The following IMMP2L variants were observed in gnomAD, a reference collection of about 807,000 sequenced individuals.
IMMP2L encodes the protein inner mitochondrial membrane peptidase subunit 2.
Under a neutral mutation model 19.3 loss-of-function variants are expected in IMMP2L, and 18 were observed. The observed-to-expected ratio is 0.93, with a 90% CI of 0.64 to 1.38. IMMP2L has a LOEUF of 1.38. Ranked by LOEUF, IMMP2L falls within the 40% of genes most tolerant of loss-of-function variation. IMMP2L has a pLI of 0.00. For missense variants in IMMP2L, 233 were observed against 218.2 expected (o/e 1.07, Z -0.43); for synonymous variants, 76 against 73.0 (o/e 1.04, Z -0.21).
intron 5 of IMMP2L, among the ~76,000 whole-genome samples, chr7:110,695,149 C>A (rs114640115): frequency 6.6e-6 from 1 of 151,946 alleles, no homozygotes; most frequent in Admixed American, 6.6e-5. Context: ...GTGGTTGTAC[C>A]GCATCATAAA....
chr7:111,176,365 A>C (rs1807061512), intron 3 of IMMP2L, among the ~76,000 whole-genome samples: 1 of 152,056 alleles, frequency 6.6e-6, no homozygotes, highest in Admixed American at 6.6e-5. Flanking sequence ...TTTGGAAGCA[A>C]CCTAGATTTC....
chr7:111,105,176 C>T (rs771534784), intron 3 of IMMP2L, among the ~76,000 whole-genome samples: 1 of 151,706 alleles, frequency 6.6e-6, no homozygotes, highest in Non-Finnish European at 1.5e-5. Flanking sequence ...CTTTGAAGTG[C>T]CCTTTAAAAA....
intron 3 of IMMP2L, among the ~76,000 whole-genome samples, chr7:111,189,380 A>C (rs1220758354): frequency 2.6e-5 from 4 of 151,856 alleles, no homozygotes; most frequent in Non-Finnish European, 5.9e-5. Flanking sequence ...AATGAAAAAA[A>C]AAAAAAAATA....
chr7:111,039,404 T>C (rs1791665279), intron 3 of IMMP2L, among the ~76,000 whole-genome samples: 2 of 152,186 alleles, frequency 1.3e-5, no homozygotes, highest in African/African-American at 4.8e-5. Flanking sequence ...CAAATCTCTA[T>C]TAACCGTTAA....
intron 3 of IMMP2L, among the ~76,000 whole-genome samples, chr7:111,106,412 T>G (rs1798553748): frequency 6.6e-6 from 1 of 151,906 alleles, no homozygotes; most frequent in South Asian, 2.1e-4. Context: ...ATCTCTTCTC[T>G]CTGGAAACTC....
chr7:111,056,819 A>C (rs1042759780), intron 3 of IMMP2L, among the ~76,000 whole-genome samples: 3 of 152,162 alleles, frequency 2.0e-5, no homozygotes, highest in African/African-American at 4.8e-5. Flanking sequence ...AAAGGTCTTC[A>C]TCCTCAATCA....
chr7:110,677,132 A>G, intron 5 of IMMP2L, among the ~76,000 whole-genome samples: 1 of 152,320 alleles, frequency 6.6e-6, no homozygotes, highest in African/African-American at 2.4e-5. Context: ...AAAGCAATCT[A>G]AGAGACTAAG....
intron 3 of IMMP2L, among the ~76,000 whole-genome samples, chr7:111,234,885 T>C (rs995808241): frequency 1.3e-5 from 2 of 152,116 alleles, no homozygotes; most frequent in Admixed American, 6.5e-5. Context: ...CTATTATAAT[T>C]TTACTTCTAT....
intron 3 of IMMP2L, among the ~76,000 whole-genome samples, chr7:111,335,075 CT>C (rs111999976): frequency 2.6e-5 from 4 of 152,150 alleles, no homozygotes; most frequent in African/African-American, 9.6e-5. Context: ...GAGATTCACA[CT>C]TACCGATGCT....
intron 5 of IMMP2L, among the ~76,000 whole-genome samples, chr7:110,825,522 A>G (rs1803400895): frequency 6.6e-6 from 1 of 152,164 alleles, no homozygotes; most frequent in South Asian, 2.1e-4. Context: ...GAGCCCTCAG[A>G]AATAATACCA....
intron 4 of IMMP2L, among the ~76,000 whole-genome samples, chr7:110,957,700 G>A (rs1385313297): frequency 1.3e-5 from 2 of 151,840 alleles, no homozygotes; most frequent in Non-Finnish European, 2.9e-5. Context: ...ATCCATTTTA[G>A]GTTTGCATTT....
intron 3 of IMMP2L, among the ~76,000 whole-genome samples, chr7:111,333,155 T>C (rs1826041674): frequency 6.6e-6 from 1 of 152,104 alleles, no homozygotes; most frequent in Admixed American, 6.6e-5. Flanking sequence ...ACAGAATGGG[T>C]AGTAGAAGAA....
chr7:110,722,702 C>T (rs2030781), intron 5 of IMMP2L, among the ~76,000 whole-genome samples: 113,378 of 151,888 alleles, frequency 0.75, 42,491 homozygotes, highest in East Asian at 0.82. Context: ...TGAAACATAA[C>T]ATATACCATT....
intron 5 of IMMP2L, among the ~76,000 whole-genome samples, chr7:110,825,176 G>A (rs905147547): frequency 6.6e-5 from 10 of 152,068 alleles, no homozygotes; most frequent in African/African-American, 9.7e-5. Flanking sequence ...ACTGCTTAGC[G>A]AAATAAAAGA....
chr7:111,039,779 A>T (rs1791711737), intron 3 of IMMP2L, among the ~76,000 whole-genome samples: 1 of 152,192 alleles, frequency 6.6e-6, no homozygotes, highest in Admixed American at 6.5e-5. Context: ...AATTTTACCT[A>T]AGAAATATCT....
intron 3 of IMMP2L, among the ~76,000 whole-genome samples, chr7:111,181,920 A>G (rs903200869): frequency 6.6e-6 from 1 of 152,062 alleles, no homozygotes; most frequent in Non-Finnish European, 1.5e-5. Context: ...AACCTTGCTT[A>G]CATATAGAAC....
At chr7:111,242,810 T>C (rs563572036) in intron 3 of IMMP2L, among the ~76,000 whole-genome samples, 1 of 152,132 alleles carries the variant, frequency 6.6e-6, no homozygotes, top group African/African-American at 2.4e-5. Flanking sequence ...AACAGAGAAT[T>C]TGTCTATAAA....
intron 3 of IMMP2L, among the ~76,000 whole-genome samples, chr7:111,470,100 T>G (rs940052717): frequency 1.6e-4 from 24 of 152,118 alleles, no homozygotes; most frequent in Non-Finnish European, 1.8e-4. Context: ...AAGACATTAA[T>G]GCAGTCAAAA....
intron 5 of IMMP2L, among the ~76,000 whole-genome samples, chr7:110,852,122 A>C (rs1806284586): frequency 6.6e-6 from 1 of 151,964 alleles, no homozygotes; most frequent in South Asian, 2.1e-4. Context: ...TTATATCAGA[A>C]ACTGTGAAGG....
Sources: gnomAD v4.1 joint callset for allele counts (sites outside exome capture counted in the v4.1 genomes callset) on GRCh38, gnomAD v4.1.1 for gene constraint, MANE v1.5 for transcripts, NCBI Gene and HGNC (gene_info 2026-07-23, HGNC 2026-07-21) for gene names.